Variants in DHRS3 observed in about 807,000 individuals in gnomAD.
The protein encoded by DHRS3 is dehydrogenase/reductase 3, also known as short-chain dehydrogenase/reductase 3.
Under a neutral mutation model 27.2 loss-of-function variants are expected in DHRS3, and 14 were observed. That is an observed-to-expected ratio of 0.52 (90% CI 0.34 to 0.81). The LOEUF (loss-of-function observed/expected upper bound fraction) is 0.81. Among genes scored for constraint, DHRS3 ranks in the 30% least tolerant of loss-of-function variants. The pLI is 0.01. For synonymous variants in DHRS3, 165 were observed against 175.9 expected (o/e 0.94, Z 0.49); for missense variants, 322 against 406.2 (o/e 0.79, Z 1.78).
intron 1 of DHRS3, among the ~76,000 whole-genome samples, chr1:12,590,095 C>G (rs894304568): frequency 6.6e-6 from 1 of 152,044 alleles, no homozygotes; most frequent in East Asian, 1.9e-4. Flanking sequence ...AAGGTAGAGA[C>G]CAGCTGTCAA....
chr1:12,570,148 T>C (rs1179437590), intron 5 of DHRS3: 1 of 152,210 alleles, frequency 6.6e-6, no homozygotes, highest in Non-Finnish European at 1.5e-5. Flanking sequence ...CTGCCCCTGA[T>C]TCCACAAAGA....
rs1398946769 is a variant in DHRS3, at chr1:12,580,589, A to T, written c.273T>A (p.His91Gln). Residue 91 changes from histidine to glutamine, a missense_variant, in exon 2 of 6, where the codon CAT becomes CAA. By Grantham distance (24) the His-to-Gln change is conservative. Coordinates refer to ENST00000616661, the MANE Select transcript of DHRS3 (RefSeq NM_004753.7). ...EEIRQMGTEC[H>Q]YFICDVGNRE... ...GGTTGCCCACATCACAGATGAAGTA[A>T]TGGCACTCAGTGCCCATCTGCCGGA... is the stretch of plus-strand genomic sequence containing the variant. The T allele has an allele frequency of 6.2e-7, 1 of 1,614,134 alleles. No homozygotes were observed. Among genetic ancestry groups the T allele is most frequent in the African/African-American group, 1.3e-5 (1 of 75,044 alleles).
intron 1 of DHRS3, among the ~76,000 whole-genome samples, chr1:12,585,126 A>T (rs1365731851): frequency 3.2e-5 from 3 of 94,642 alleles, no homozygotes; most frequent in Non-Finnish European, 6.8e-5. Flanking sequence ...TCTCTGTGTG[A>T]GAGAGAGTGT....
chr1:12,610,910 G>C (rs1243941509), intron 1 of DHRS3, among the ~76,000 whole-genome samples: 1 of 152,212 alleles, frequency 6.6e-6, no homozygotes, highest in African/African-American at 2.4e-5. Flanking sequence ...AACGTGTAGG[G>C]TGTGGGACCC....
rs1004167739 is a variant in DHRS3, at chr1:12,583,790, C to T, written c.196-3124G>A. Among the ~76,000 whole-genome samples, 8 of 152,032 alleles carry T rather than the reference C, an allele frequency of 5.3e-5. No homozygotes were observed. The South Asian group carries it at 1.5e-3, about 28-fold the overall frequency. ...TCTGTCCATCCATCCATGCATCCATCCATCCCCCCACCCATCCCTCATCTA... is the reference window on the plus strand; with the variant it reads ...TCTGTCCATCCATCCATGCATCCATTCATCCCCCCACCCATCCCTCATCTA... On this transcript the variant is annotated intron_variant, in intron 1 of 5. Transcript: ENST00000616661.
intron 5 of DHRS3, among the ~76,000 whole-genome samples, chr1:12,570,605 A>C (rs571547351): frequency 6.6e-6 from 1 of 152,136 alleles, no homozygotes; most frequent in Admixed American, 6.5e-5. Context: ...GTTGTGGGGA[A>C]GGTTGGAAAA....
At chr1:12,598,250 T>C (rs1646811872) in intron 1 of DHRS3, among the ~76,000 whole-genome samples, 1 of 152,098 alleles carries the variant, frequency 6.6e-6, no homozygotes, top group African/African-American at 2.4e-5. Flanking sequence ...TAGCCAGGCA[T>C]GGTGGTGCGC....
At chr1:12,616,895 T>G in intron 1 of DHRS3, 1 of 974,162 alleles carries the variant, frequency 1.0e-6, no homozygotes, top group Non-Finnish European at 1.4e-6. Context: ...TCTCTTAGGT[T>G]TCAGGGTGGG....
In DHRS3 at chr1:12,568,325, G is replaced by A. The variant is rs199969467; in HGVS notation, c.*15C>T. On this transcript the variant is annotated 3_prime_UTR_variant, in exon 6 of 6. Coordinates refer to ENST00000616661, the MANE Select transcript of DHRS3 (RefSeq NM_004753.7). ...CCAAACTCCGTGGCTCCTCAAGCAT[G>A]TCTTCATCCTGTCTCTATGTCCGCC... The A allele has an allele frequency of 8.7e-6, 14 of 1,612,716 alleles. No individual in the cohort carries two copies. In the East Asian group the frequency reaches 1.1e-4, roughly 13 times the overall value.
At chr1:12,583,297 C>G (rs1263174179) in intron 1 of DHRS3, among the ~76,000 whole-genome samples, 2 of 149,150 alleles carry the variant, frequency 1.3e-5, no homozygotes, top group Non-Finnish European at 3.0e-5. Context: ...TTCCATTAGT[C>G]TATCCACTCA....
intron 1 of DHRS3, among the ~76,000 whole-genome samples, chr1:12,598,493 C>T (rs1290495618): frequency 6.6e-6 from 1 of 152,176 alleles, no homozygotes; most frequent in East Asian, 1.9e-4. Flanking sequence ...GTTCTAGAAT[C>T]CAAAAAGCTC....
Position 12,617,148 on chromosome 1 carries a change from T to G in DHRS3, c.195+6A>C. On this transcript the variant is annotated splice_donor_region_variant and intron_variant, in intron 1 of 5. Coordinates refer to ENST00000616661, the MANE Select transcript of DHRS3 (RefSeq NM_004753.7). ...CCCCACTCCCTGGAGTCGCAGTGCC[T>G]GGTACCTTTCTGGCGCCGCGCTCCG... 1 of 1,610,200 alleles carries G rather than the reference T, an allele frequency of 6.2e-7. No homozygotes were observed.
rs1646633184 is a variant in DHRS3, at chr1:12,580,401, C to T, written c.339+122G>A. On this transcript the variant is annotated intron_variant, in intron 2 of 5. Transcript: ENST00000616661. ...CTTCATGGGAGAGTCCCCAAAGGTG[C>T]CCCGGGCAAAGCCATTCTGCCATAA... The T allele has an allele frequency of 2.8e-6, 4 of 1,417,478 alleles. No homozygotes were observed. In the Admixed American group the frequency reaches 7.5e-5, roughly 27 times the overall value. The allele number at this position is 1,417,478 out of a possible 1,614,324, so 87.8% of individuals were successfully genotyped here.
intron 1 of DHRS3, among the ~76,000 whole-genome samples, chr1:12,611,698 T>C (rs5022242): frequency 0.62 from 94,225 of 151,754 alleles, 29,417 homozygotes; most frequent in African/African-American, 0.67. Flanking sequence ...CGAGAATTTT[T>C]GAGCGTGCCG....
chr1:12,617,109 C>T lies in DHRS3; in HGVS notation c.195+45G>A, dbSNP rs781112197. 6.4e-6 allele frequency: 10 copies of T among 1,574,348 alleles called. No individual in the cohort carries two copies. The East Asian group carries it at 2.3e-4, about 36-fold the overall frequency. ...GCAGCGGCAGCAGGTGGGCTTACCC[C>T]CGCCCCTGCGGCCCCCCACTCCCTG... On this transcript the variant is annotated intron_variant, in intron 1 of 5. Coordinates refer to ENST00000616661, the MANE Select transcript of DHRS3 (RefSeq NM_004753.7).
rs1418672201 is a variant in DHRS3, at chr1:12,594,181, T to G, written c.196-13515A>C. ...TGTCCACCGGGGTGGGATTCAAATT[T>G]GGACAGTCTAAGTAACTCATGCAGG... On this transcript the variant is annotated intron_variant, in intron 1 of 5. Transcript: ENST00000616661. The surrounding 1 kb of genome is among the most constrained non-coding windows in gnomAD (Gnocchi z 4.1). Among the ~76,000 whole-genome samples the G allele has an allele frequency of 1.3e-5, 2 of 152,310 alleles. No individual in the cohort carries two copies. Among genetic ancestry groups the G allele is most frequent in the Admixed American group, 6.5e-5 (1 of 15,304 alleles).
chr1:12,612,500 C>T (rs954769997), intron 1 of DHRS3, among the ~76,000 whole-genome samples: 1 of 152,142 alleles, frequency 6.6e-6, no homozygotes, highest in Admixed American at 6.6e-5. Flanking sequence ...TGTCACACCC[C>T]TTCTGGTTGA....
At chr1:12,599,526 T>C (rs1307401202) in intron 1 of DHRS3, among the ~76,000 whole-genome samples, 1 of 152,192 alleles carries the variant, frequency 6.6e-6, no homozygotes, top group Non-Finnish European at 1.5e-5. Flanking sequence ...CCTAGTGCTC[T>C]CCCAATCATG....
Position 12,582,839 on chromosome 1 carries a change from C to CTCCA in DHRS3, c.196-2177_196-2174dup, listed in dbSNP as rs1191707118. The stretch of plus-strand genomic sequence containing the variant: ...ATCCATCCCTCCCTCGTCTACCCAA[C>CTCCA]TCCATCCATCCATCCATCCATCCAT... On this transcript the variant is annotated intron_variant, in intron 1 of 5. Coordinates refer to ENST00000616661, the MANE Select transcript of DHRS3 (RefSeq NM_004753.7). Among the ~76,000 whole-genome samples the CTCCA allele has an allele frequency of 2.4e-3, 343 of 143,284 alleles. 2 individuals carry two copies. Among genetic ancestry groups the CTCCA allele is most frequent in the South Asian group, 6.2e-3 (27 of 4,370 alleles). 94.0% of individuals were successfully genotyped at this position (143,284 alleles called of 152,430 possible). A position where few individuals can be genotyped will look rare whatever the true frequency, so the allele number is the denominator to read the frequency against.
Sources: gnomAD v4.1 joint callset for allele counts (sites outside exome capture counted in the v4.1 genomes callset) on GRCh38, gnomAD v4.1.1 for gene constraint, Gnocchi (gnomAD v3.1) non-coding constraint, MANE v1.5 for transcripts, NCBI Gene and HGNC (gene_info 2026-07-23, HGNC 2026-07-21) for gene names.